Variants in PCDHA6 observed in about 807,000 individuals in gnomAD.
PCDHA6 encodes the protein protocadherin alpha 6.
Under a neutral mutation model 60.3 loss-of-function variants are expected in PCDHA6, and 55 were observed. That is an observed-to-expected ratio of 0.91 (90% CI 0.73 to 1.14). PCDHA6 has a LOEUF of 1.14. Ranked by LOEUF, PCDHA6 falls within the 50% of genes most tolerant of loss-of-function variation. The probability of loss-of-function intolerance (pLI) is 0.00; values close to 1 mark genes in which losing one functional copy is unlikely to be tolerated. For synonymous variants in PCDHA6, 652 were observed against 557.9 expected (o/e 1.17, Z -2.38); for missense variants, 1,327 against 1,256.5 (o/e 1.06, Z -0.85).
In PCDHA6 at chr5:140,908,379, G is replaced by A. The variant is rs553504980; in HGVS notation, c.2395-70570G>A. Among the ~76,000 whole-genome samples the A allele has an allele frequency of 7.2e-5, 11 of 152,198 alleles. No individual in the cohort carries two copies. In the South Asian group the frequency reaches 1.2e-3, roughly 17 times the overall value. On this transcript the variant is annotated intron_variant, in intron 1 of 3. Coordinates refer to ENST00000529310, the MANE Select transcript of PCDHA6 (RefSeq NM_018909.4). ...TTACTTGTGCCTTCAGGACCTGCTC[G>A]AGCCCGATCACATATATACCACTTC...
intron 3 of PCDHA6, among the ~76,000 whole-genome samples, chr5:140,994,753 G>A (rs143791883): frequency 1.1e-4 from 16 of 152,252 alleles, no homozygotes; most frequent in African/African-American, 3.9e-4. Context: ...AGTAGGATGT[G>A]GAGAGGAAGA....
intron 1 of PCDHA6, chr5:140,881,495 T>C (rs2058735247): frequency 3.5e-6 from 1 of 288,914 alleles, no homozygotes; most frequent in Non-Finnish European, 5.2e-6. Flanking sequence ...TTTATGCACA[T>C]ACACACACTC....
chr5:140,828,562 G>A lies in PCDHA6; in HGVS notation c.471G>A (p.Ala157=). The change falls in exon 1 of 4, where the codon GCG becomes GCA. Residue 157 remains alanine (A), a synonymous_variant. Coordinates refer to ENST00000529310, the MANE Select transcript of PCDHA6 (RefSeq NM_018909.4). ...ATTCTGTGTTTCCACTGGAGGGCGC[G>A]TCCGATGCAGATGTTGGCTCAAATT... The part of the protein sequence containing the change: ...LPDSVFPLEG[A]SDADVGSNSI... 3.1e-6 allele frequency: 5 copies of A among 1,614,232 alleles called. No individual in the cohort carries two copies. Among genetic ancestry groups the A allele is most frequent in the Non-Finnish European group, 4.2e-6 (5 of 1,180,046 alleles).
chr5:140,834,507 G>A (rs139562115), intron 1 of PCDHA6: 2 of 1,614,136 alleles, frequency 1.2e-6, no homozygotes, highest in South Asian at 1.1e-5. Flanking sequence ...GGCTAAACAT[G>A]GCAACTTCGT....
At chr5:140,980,160 T>C (rs1408251279) in intron 2 of PCDHA6, among the ~76,000 whole-genome samples, 1 of 152,140 alleles carries the variant, frequency 6.6e-6, no homozygotes, top group East Asian at 1.9e-4. Context: ...TACCAGAATA[T>C]TAGGTATCAG....
In PCDHA6 at chr5:141,010,204, C is replaced by G. The variant is rs1238256859; in HGVS notation, c.*267C>G. ...GACCCAAGTTTCCTTTCTCCTCCGC[C>G]GCAAAGGAGAGGCTTCCCAGCCCCG... On this transcript the variant is annotated 3_prime_UTR_variant, in exon 4 of 4. Transcript: ENST00000529310. 1.3e-5 allele frequency: 20 copies of G among 1,551,852 alleles called. No homozygotes were observed. Among genetic ancestry groups the G allele is most frequent in the Non-Finnish European group, 1.7e-5 (20 of 1,147,056 alleles).
intron 1 of PCDHA6, chr5:140,883,378 C>G (rs782530143): frequency 6.2e-7 from 1 of 1,614,146 alleles, no homozygotes; most frequent in Non-Finnish European, 8.5e-7. Context: ...CCATTATTGC[C>G]CTAATCAGTG....
chr5:140,828,572 G>A lies in PCDHA6; in HGVS notation c.481G>A (p.Asp161Asn). The change falls in exon 1 of 4, where the codon GAT becomes AAT. Residue 161 changes from aspartate (D) to asparagine (N), a missense_variant. Transcript: ENST00000529310. ...VFPLEGASDA[D>N]VGSNSILTYK... is the part of the protein sequence containing the mutation. Reference sequence around the variant, plus strand: ...TCCACTGGAGGGCGCGTCCGATGCAGATGTTGGCTCAAATTCCATCTTAAC... The same window carrying A: ...TCCACTGGAGGGCGCGTCCGATGCAAATGTTGGCTCAAATTCCATCTTAAC... 5 of 1,614,228 alleles carry A rather than the reference G, an allele frequency of 3.1e-6. No homozygotes were observed. The highest frequency in any genetic ancestry group is 4.2e-6 in the Non-Finnish European group (5 of 1,180,042).
chr5:140,924,132 T>C (rs1417924703), intron 1 of PCDHA6, among the ~76,000 whole-genome samples: 1 of 152,246 alleles, frequency 6.6e-6, no homozygotes, highest in East Asian at 1.9e-4. Flanking sequence ...TTAGCAGCAT[T>C]AATTTAAAAT....
In PCDHA6 at chr5:140,877,646, C is replaced by T. The variant is rs782472866; in HGVS notation, c.2394+47161C>T. 7 of 1,613,560 alleles carry T rather than the reference C, an allele frequency of 4.3e-6. No individual in the cohort carries two copies. The Admixed American group carries it at 6.7e-5, about 15-fold the overall frequency. On this transcript the variant is annotated intron_variant, in intron 1 of 3. Coordinates refer to ENST00000529310, the MANE Select transcript of PCDHA6 (RefSeq NM_018909.4). ...CTGTACACTGCGCTGCGTTGCTCAG[C>T]GCCGCCCACCGTGAGCCGGTGCGCG...
At chr5:140,836,647 G>A (rs2150266694) in intron 1 of PCDHA6, 3 of 1,613,346 alleles carry the variant, frequency 1.9e-6, no homozygotes, top group South Asian at 2.2e-5. Context: ...CAGCAGAGGC[G>A]GCAGAGGGTG....
At chr5:140,835,493 A>G in intron 1 of PCDHA6, 1 of 1,613,914 alleles carries the variant, frequency 6.2e-7, no homozygotes, top group Admixed American at 1.7e-5. Context: ...CCGTCATCAC[A>G]TTGATTAGCG....
chr5:140,841,575 T>C (rs1220947138), intron 1 of PCDHA6: 1 of 1,613,812 alleles, frequency 6.2e-7, no homozygotes, highest in Non-Finnish European at 8.5e-7. Flanking sequence ...GGCATTTTGT[T>C]TGTGAATTCT....
At chr5:140,842,432 C>T (rs2150336082) in intron 1 of PCDHA6, 2 of 1,613,656 alleles carry the variant, frequency 1.2e-6, no homozygotes, top group Non-Finnish European at 1.7e-6. Context: ...TGTCATCGCC[C>T]TAATTAGCGT....
At chr5:140,965,318 C>T (rs1397101710) in intron 1 of PCDHA6, among the ~76,000 whole-genome samples, 1 of 152,104 alleles carries the variant, frequency 6.6e-6, no homozygotes, top group Non-Finnish European at 1.5e-5. Flanking sequence ...TTCTCTTTTA[C>T]TGAAGTGAAT....
rs2096251050 is a variant in PCDHA6, at chr5:140,968,498, C to T, written c.2395-10451C>T. 3 of 1,614,190 alleles carry T rather than the reference C, an allele frequency of 1.9e-6. No individual in the cohort carries two copies. The highest frequency in any genetic ancestry group is 2.5e-6 in the Non-Finnish European group (3 of 1,180,042). The stretch of plus-strand genomic sequence containing the variant: ...GGTGGACATGAATGACCATGCCCCT[C>T]ACATTCTGTACCCTACCTCAACCAA... On this transcript the variant is annotated intron_variant, in intron 1 of 3. Coordinates refer to ENST00000529310, the MANE Select transcript of PCDHA6 (RefSeq NM_018909.4).
intron 1 of PCDHA6, among the ~76,000 whole-genome samples, chr5:140,893,139 C>G (rs2063839594): frequency 6.6e-6 from 1 of 152,186 alleles, no homozygotes; most frequent in East Asian, 1.9e-4. Context: ...TCTTTATCCA[C>G]TCATCTGTTG....
intron 1 of PCDHA6, chr5:140,967,692 G>C (rs781940460): frequency 6.2e-7 from 1 of 1,614,196 alleles, no homozygotes; most frequent in Admixed American, 1.7e-5. Flanking sequence ...CAGCTCTTCA[G>C]CATAGATGCC....
chr5:140,952,512 C>T (rs1381568463), intron 1 of PCDHA6, among the ~76,000 whole-genome samples: 1 of 152,124 alleles, frequency 6.6e-6, no homozygotes, highest in Non-Finnish European at 1.5e-5. Flanking sequence ...TCCTCATCTC[C>T]ATCTGAGACC....
Sources: gnomAD v4.1 joint callset for allele counts (sites outside exome capture counted in the v4.1 genomes callset) on GRCh38, gnomAD v4.1.1 for gene constraint, MANE v1.5 for transcripts, NCBI Gene and HGNC (gene_info 2026-07-23, HGNC 2026-07-21) for gene names.